Variants in AOPEP observed in about 807,000 individuals in gnomAD.
AOPEP encodes aminopeptidase O.
A neutral mutation model predicts 98.1 loss-of-function variants in AOPEP; 77 were observed. That is an observed-to-expected ratio of 0.78 (90% CI 0.65 to 0.95). The LOEUF (loss-of-function observed/expected upper bound fraction) is 0.95. Ranked by LOEUF, AOPEP falls within the 40% of genes least tolerant of loss-of-function variation. AOPEP has a pLI of 0.00. For missense variants in AOPEP, 1,024 were observed against 1,024.7 expected (o/e 1.00, Z 0.01); for synonymous variants, 346 against 365.3 (o/e 0.95, Z 0.60).
At chr9:94,935,294 A>G (rs748750073) in intron 7 of AOPEP, 1 of 152,326 alleles carries the variant, frequency 6.6e-6, no homozygotes, top group Non-Finnish European at 1.5e-5. Context: ...AGGTGACAGC[A>G]TCATGCTTCC....
chr9:95,036,646 C>T (rs1357214714), intron 13 of AOPEP, among the ~76,000 whole-genome samples: 3 of 151,158 alleles, frequency 2.0e-5, no homozygotes, highest in Admixed American at 1.3e-4. Context: ...TCCTCCTCCC[C>T]GCCCTCCTCT....
Position 94,817,430 on chromosome 9 carries a change from C to A in AOPEP, c.1364+16428C>A, listed in dbSNP as rs7861358. Among the ~76,000 whole-genome samples the A allele has an allele frequency of 2.6e-5, 4 of 152,070 alleles. No individual in the cohort carries two copies. In the East Asian group the frequency reaches 7.7e-4, roughly 29 times the overall value. The stretch of plus-strand genomic sequence containing the variant: ...CAGTATTTACGAAATGCTGCATGGA[C>A]GAGTGTGGTGCTTACAATTGGCCAG... On this transcript the variant is annotated intron_variant, in intron 5 of 16. Transcript: ENST00000375315.
chr9:95,105,725 C>T, the AOPEP span, among the ~76,000 whole-genome samples: 1 of 152,244 alleles, frequency 6.6e-6, no homozygotes, highest in Non-Finnish European at 1.5e-5. Flanking sequence ...ACCTAAGTGA[C>T]TCATACAACA....
intron 9 of AOPEP, among the ~76,000 whole-genome samples, chr9:94,963,914 C>A (rs894630648): frequency 1.3e-5 from 2 of 152,034 alleles, no homozygotes; most frequent in Non-Finnish European, 2.9e-5. Flanking sequence ...TGTCATAAGT[C>A]CACTTTAGAG....
chr9:95,150,029 T>G, the AOPEP span: 2 of 1,614,034 alleles, frequency 1.2e-6, no homozygotes, highest in South Asian at 1.1e-5. Flanking sequence ...TCAACATCTG[T>G]CAGGGTAATA....
chr9:94,933,674 GTGT>G (rs2055761418), intron 7 of AOPEP: 15 of 985,380 alleles, frequency 1.5e-5, no homozygotes, highest in Non-Finnish European at 1.6e-5. Context: ...CATGCCACAA[GTGT>G]TGTGAATTTG....
At chr9:94,754,121 A>G (rs1836456186) in intron 1 of AOPEP, among the ~76,000 whole-genome samples, 1 of 152,252 alleles carries the variant, frequency 6.6e-6, no homozygotes, top group South Asian at 2.1e-4. Context: ...GTAATATGTC[A>G]GTGTGACATT....
intron 13 of AOPEP, among the ~76,000 whole-genome samples, chr9:95,036,325 A>C (rs1373373790): frequency 6.6e-6 from 1 of 152,240 alleles, no homozygotes; most frequent in Non-Finnish European, 1.5e-5. Context: ...GTTATAATTC[A>C]TGAAGATGGA....
rs1454010717 is a variant in AOPEP at position 94,996,389 on chromosome 9, T to TGAGA, written c.1978-8768_1978-8767insAGAG. ...GTGTGTGTGTGTGTGTGTGTGTGTG[T>TGAGA]GTGAGAGAGAGATTTTACTTCTTCA... On this transcript the variant is annotated intron_variant, in intron 11 of 16. Coordinates refer to ENST00000375315, the MANE Select transcript of AOPEP (RefSeq NM_001193329.3). Among the ~76,000 whole-genome samples the TGAGA allele has an allele frequency of 9.5e-3, 1,389 of 145,458 alleles. 23 individuals carry two copies. Among genetic ancestry groups the TGAGA allele is most frequent in the African/African-American group, 0.035 (1,335 of 38,196 alleles).
chr9:94,934,169 G>A (rs1448118697), intron 7 of AOPEP, among the ~76,000 whole-genome samples: 2 of 151,990 alleles, frequency 1.3e-5, no homozygotes, highest in Non-Finnish European at 2.9e-5. Flanking sequence ...AAATGTCCTG[G>A]GGCCCCTGCC....
intron 5 of AOPEP, among the ~76,000 whole-genome samples, chr9:94,915,642 C>G (rs2052692177): frequency 6.6e-6 from 1 of 152,236 alleles, no homozygotes; most frequent in Non-Finnish European, 1.5e-5. Context: ...TGCCTGAACT[C>G]TGTCAGCCGG....
chr9:94,787,672 A>G (rs954407028), intron 3 of AOPEP, among the ~76,000 whole-genome samples: 85 of 152,236 alleles, frequency 5.6e-4, no homozygotes, highest in African/African-American at 1.9e-3. Flanking sequence ...CCTTGGTACC[A>G]GACGTGTTAT....
the AOPEP span, chr9:95,126,399 G>T: frequency 2.2e-6 from 2 of 904,868 alleles, no homozygotes; most frequent in Non-Finnish European, 3.6e-6. Context: ...AAGCTCAGAG[G>T]AACAGGAGGG....
chr9:94,801,832 C>T (rs1024354992), intron 5 of AOPEP, among the ~76,000 whole-genome samples: 2 of 152,126 alleles, frequency 1.3e-5, no homozygotes, highest in African/African-American at 2.4e-5. Flanking sequence ...AAGTTTTTCC[C>T]TATTAGTCAA....
chr9:94,978,957 T>A (rs554663847), intron 10 of AOPEP, among the ~76,000 whole-genome samples: 1 of 152,250 alleles, frequency 6.6e-6, no homozygotes, highest in African/African-American at 2.4e-5. Flanking sequence ...ATCTTTCCTA[T>A]AAAGTGCAGA....
intron 11 of AOPEP, 76 bp from the exon 12 acceptor site, chr9:95,005,082 C>A (rs2061881502): frequency 1.3e-6 from 1 of 742,346 alleles, no homozygotes; most frequent in Non-Finnish European, 1.7e-6. Context: ...GGCGGGCACG[C>A]CGAGTTAGCG....
intron 11 of AOPEP, among the ~76,000 whole-genome samples, chr9:94,982,507 A>C (rs1403211410): frequency 6.6e-6 from 1 of 151,626 alleles, no homozygotes; most frequent in East Asian, 1.9e-4. Context: ...TAAGTTATTC[A>C]TTTAAGGATA....
intron 13 of AOPEP, among the ~76,000 whole-genome samples, chr9:95,022,959 C>T (rs2063572604): frequency 6.6e-6 from 1 of 152,100 alleles, no homozygotes; most frequent in Non-Finnish European, 1.5e-5. Flanking sequence ...GTACCTTTCT[C>T]CCCGCTGTAG....
intron 5 of AOPEP, among the ~76,000 whole-genome samples, chr9:94,847,152 A>ACACACACACACACACACACACACACT (rs1448564968): frequency 5.7e-4 from 80 of 140,564 alleles, no homozygotes; most frequent in Middle Eastern, 3.7e-3. Flanking sequence ...ACACACACAC[A>ACACACACACACACACACACACACACT]CTCTCTCTGT....
Sources: gnomAD v4.1 joint callset for allele counts (sites outside exome capture counted in the v4.1 genomes callset) on GRCh38, gnomAD v4.1.1 for gene constraint, MANE v1.5 for transcripts, NCBI Gene and HGNC (gene_info 2026-07-23, HGNC 2026-07-21) for gene names.